The following TMEM109 variants were observed in gnomAD, a reference collection of about 807,000 sequenced individuals.
TMEM109 encodes voltage-gated monoatomic cation channel TMEM109.
Under a neutral mutation model 26.4 loss-of-function variants are expected in TMEM109, and 19 were observed. The ratio of observed to expected loss-of-function variants is 0.72; its 90% CI spans 0.50 to 1.06. The LOEUF (loss-of-function observed/expected upper bound fraction) is 1.06, where lower values mean the gene tolerates loss of function less well. Ranked by LOEUF, TMEM109 falls within the 50% of genes least tolerant of loss-of-function variation. The pLI is 0.00. For missense variants in TMEM109, 262 were observed against 303.4 expected (o/e 0.86, Z 1.01); for synonymous variants, 129 against 142.0 (o/e 0.91, Z 0.65).
chr11:60,914,273 G>A lies in TMEM109; in HGVS notation c.-9+5G>A, dbSNP rs1856144972. The stretch of plus-strand genomic sequence containing the variant: ...GATAGCAGTGGCCTGAGAAAGGTGA[G>A]AGCGGGCCGAGGTCGGAATGTGGGG... On this transcript the variant is annotated splice_donor_5th_base_variant and intron_variant, in intron 1 of 3. Transcript: ENST00000227525. 6.6e-6 allele frequency: 1 copy of A among 152,280 alleles called. No individual in the cohort carries two copies. Among genetic ancestry groups the A allele is most frequent in the Non-Finnish European group, 1.5e-5 (1 of 68,100 alleles). 9.4% of individuals were successfully genotyped at this position (152,280 alleles called of 1,614,324 possible).
In TMEM109 at chr11:60,922,446, C is replaced by A; in HGVS notation, c.*281C>A. The A allele has an allele frequency of 7.5e-7, 1 of 1,332,760 alleles. No homozygotes were observed. The highest frequency in any genetic ancestry group is 1.0e-6 in the Non-Finnish European group (1 of 980,232). 82.6% of individuals were successfully genotyped at this position (1,332,760 alleles called of 1,614,324 possible). ...ACCAGGGAAGGTTGGAGGGGCCTCCCTCTGGCTTCTGCATCTGCGCCAGCA... is the reference window on the plus strand; with the variant it reads ...ACCAGGGAAGGTTGGAGGGGCCTCCATCTGGCTTCTGCATCTGCGCCAGCA... On this transcript the variant is annotated 3_prime_UTR_variant, in exon 4 of 4. Transcript: ENST00000227525.
chr11:60,919,521 G>C (rs1206077922), intron 1 of TMEM109, among the ~76,000 whole-genome samples, 165 bp from the exon 2 acceptor site: 1 of 152,224 alleles, frequency 6.6e-6, no homozygotes, highest in Non-Finnish European at 1.5e-5. Context: ...CCCAGCTTCA[G>C]TTGGAAGTCC....
At chr11:60,916,743 C>T (rs977405765) in intron 1 of TMEM109, among the ~76,000 whole-genome samples, 11 of 152,184 alleles carry the variant, frequency 7.2e-5, no homozygotes, top group Non-Finnish European at 7.4e-5. Context: ...TTCAAGGTCT[C>T]CTAGCTCCCC....
intron 1 of TMEM109, among the ~76,000 whole-genome samples, chr11:60,917,607 TC>T (rs369943159): frequency 1.3e-3 from 193 of 152,334 alleles, no homozygotes; most frequent in African/African-American, 4.4e-3. Context: ...CACCAGTAAT[TC>T]ACTGAGATGA....
chr11:60,917,637 A>C (rs1038564375), intron 1 of TMEM109, among the ~76,000 whole-genome samples: 4 of 152,146 alleles, frequency 2.6e-5, no homozygotes, highest in African/African-American at 9.7e-5. Context: ...TGCCAAGTTT[A>C]TTTTAACTCA....
At chr11:60,916,128 G>T (rs376745724) in intron 1 of TMEM109, among the ~76,000 whole-genome samples, 5 of 152,142 alleles carry the variant, frequency 3.3e-5, no homozygotes, top group African/African-American at 1.2e-4. Context: ...AAAAAGGCAA[G>T]ATTGAGATCC....
intron 1 of TMEM109, among the ~76,000 whole-genome samples, chr11:60,916,196 T>C (rs965383233): frequency 3.1e-4 from 47 of 152,224 alleles, no homozygotes; most frequent in African/African-American, 1.1e-3. Flanking sequence ...TCACTCAACC[T>C]CTCTAAGCCA....
intron 1 of TMEM109, 137 bp downstream of exon 1, chr11:60,914,405 C>T (rs1438044408): frequency 1.3e-5 from 2 of 152,338 alleles, no homozygotes. Flanking sequence ...GCGTGCGAAA[C>T]AAACCGGGGA....
chr11:60,914,194 C>T lies in TMEM109; in HGVS notation c.-83C>T, dbSNP rs1297483834. 6.6e-6 allele frequency: 1 copy of T among 152,232 alleles called. No individual in the cohort carries two copies. The highest frequency in any genetic ancestry group is 1.5e-5 in the Non-Finnish European group (1 of 68,058). The allele number at this position is 152,232 out of a possible 1,614,324, so 9.4% of individuals were successfully genotyped here. A position where few individuals can be genotyped will look rare whatever the true frequency, so the allele number is the denominator to read the frequency against. On this transcript the variant is annotated 5_prime_UTR_variant, in exon 1 of 4. Coordinates refer to ENST00000227525, the MANE Select transcript of TMEM109 (RefSeq NM_024092.3). The stretch of plus-strand genomic sequence containing the variant: ...CGCATGCGGAGAAGGTAAACCAGCG[C>T]CCCGAGTTGAGGCGCGGGTTTGGTG...
At chr11:60,920,105 C>T (rs1279728992) in intron 2 of TMEM109, among the ~76,000 whole-genome samples, 175 bp downstream of exon 2, 1 of 152,190 alleles carries the variant, frequency 6.6e-6, no homozygotes, top group Admixed American at 6.5e-5. Context: ...TGATTGCTGT[C>T]CTAGGGCCTT....
At chr11:60,921,073 C>A (rs768705988) in intron 3 of TMEM109, 85 bp downstream of exon 3, 9 of 1,235,854 alleles carry the variant, frequency 7.3e-6, no homozygotes, top group Non-Finnish European at 1.1e-5. Context: ...AGGGTCTAGC[C>A]TTTTCCCCAA....
chr11:60,916,722 A>C (rs1285649758), intron 1 of TMEM109, among the ~76,000 whole-genome samples: 2 of 152,230 alleles, frequency 1.3e-5, no homozygotes. Context: ...GCCTCACTGC[A>C]GAGGGCTTAT....
Position 60,922,436 on chromosome 11 carries a change from AG to A in TMEM109, c.*275del, listed in dbSNP as rs775421067. ...AGCCTGCCTCACCAGGGAAGGTTGG[AG>A]GGGCCTCCCTCTGGCTTCTGCATCT... is the stretch of plus-strand genomic sequence containing the variant. On this transcript the variant is annotated 3_prime_UTR_variant, in exon 4 of 4. Coordinates refer to ENST00000227525, the MANE Select transcript of TMEM109 (RefSeq NM_024092.3). 19 of 1,413,486 alleles carry A rather than the reference AG, an allele frequency of 1.3e-5. No individual in the cohort carries two copies. The highest frequency in any genetic ancestry group is 1.6e-5 in the Non-Finnish European group (17 of 1,047,620). 87.6% of individuals were successfully genotyped at this position (1,413,486 alleles called of 1,614,324 possible). A position where few individuals can be genotyped will look rare whatever the true frequency, so the allele number is the denominator to read the frequency against.
In TMEM109 at chr11:60,921,760, C is replaced by G. The variant is rs760748768; in HGVS notation, c.341-14C>G. ...CTCCAGGTTGGCTGACTCTGTGACT[C>G]TCTTGGCTTCCAGGTGATTACCTCG... is the stretch of plus-strand genomic sequence containing the variant. On this transcript the variant is annotated splice_polypyrimidine_tract_variant and intron_variant, in intron 3 of 3. Coordinates refer to ENST00000227525, the MANE Select transcript of TMEM109 (RefSeq NM_024092.3). 3.7e-6 allele frequency: 6 copies of G among 1,600,920 alleles called. No homozygotes were observed. The highest frequency in any genetic ancestry group is 1.7e-5 in the Admixed American group (1 of 59,316).
intron 1 of TMEM109, chr11:60,919,220 A>C (rs1449130473): frequency 5.6e-6 from 1 of 180,098 alleles, no homozygotes; most frequent in African/African-American, 2.3e-5. Context: ...TTTTCTTTAT[A>C]CCATTATATG....
Position 60,919,787 on chromosome 11 carries a change from T to A in TMEM109, c.94T>A (p.Leu32Met). Residue 32 changes from leucine to methionine, a missense_variant, in exon 2 of 4, where the codon TTG (leucine) becomes ATG (methionine). Physicochemically the swap from Leu to Met is conservative, Grantham distance 15. Coordinates refer to ENST00000227525, the MANE Select transcript of TMEM109 (RefSeq NM_024092.3). Reference protein sequence around the residue: ...LVALILLHSALAQSRRDFAPP... With the variant: ...LVALILLHSAMAQSRRDFAPP... ...GGCCCTTATCCTCCTCCACTCAGCATTGGCCCAGTCCCGTCGAGACTTTGC... is the reference window on the plus strand; with the variant it reads ...GGCCCTTATCCTCCTCCACTCAGCAATGGCCCAGTCCCGTCGAGACTTTGC... 1 of 1,614,194 alleles carries A rather than the reference T, an allele frequency of 6.2e-7. No individual in the cohort carries two copies. Among genetic ancestry groups the A allele is most frequent in the East Asian group, 2.2e-5 (1 of 44,890 alleles).
intron 1 of TMEM109, among the ~76,000 whole-genome samples, chr11:60,916,817 GA>G (rs1163673002): frequency 6.6e-6 from 1 of 152,230 alleles, no homozygotes; most frequent in Non-Finnish European, 1.5e-5. Flanking sequence ...GCTGCTGTGG[GA>G]GGAGCAGCTT....
intron 1 of TMEM109, among the ~76,000 whole-genome samples, chr11:60,915,635 C>T (rs1856164798): frequency 6.6e-6 from 1 of 152,100 alleles, no homozygotes; most frequent in Non-Finnish European, 1.5e-5. Flanking sequence ...AGCGGCGGGA[C>T]AGTCAGAGCC....
intron 1 of TMEM109, among the ~76,000 whole-genome samples, 164 bp downstream of exon 1, chr11:60,914,432 T>C (rs1164092596): frequency 6.6e-6 from 1 of 152,166 alleles, no homozygotes; most frequent in Admixed American, 6.5e-5. Context: ...TCCCCGTTGC[T>C]ATGCAACCGG....
Sources: gnomAD v4.1 joint callset for allele counts (sites outside exome capture counted in the v4.1 genomes callset) on GRCh38, gnomAD v4.1.1 for gene constraint, MANE v1.5 for transcripts, NCBI Gene and HGNC (gene_info 2026-07-23, HGNC 2026-07-21) for gene names.